The following LRP1B variants were observed in gnomAD, a reference collection of about 807,000 sequenced individuals.
LRP1B encodes LDL receptor related protein 1B.
Under a neutral mutation model 556.6 loss-of-function variants are expected in LRP1B, and 217 were observed. The ratio of observed to expected loss-of-function variants is 0.39; its 90% CI spans 0.35 to 0.44. The LOEUF is 0.44. Ranked by LOEUF, LRP1B falls within the 20% of genes least tolerant of loss-of-function variation. The pLI is 1.00. For synonymous variants in LRP1B, 2,047 were observed against 1,865.8 expected, an observed-to-expected ratio of 1.10 and a Z score of -2.50; for missense variants, 5,053 against 5,620.8, an observed-to-expected ratio of 0.90 and a Z score of 3.23.
intron 3 of LRP1B, among the ~76,000 whole-genome samples, chr2:141,260,607 T>C (rs1684648125): frequency 6.6e-6 from 1 of 152,230 alleles, no homozygotes; most frequent in African/African-American, 2.4e-5. Context: ...CTATCTTTTG[T>C]GTATAGCTAT....
intron 7 of LRP1B, among the ~76,000 whole-genome samples, chr2:141,118,836 G>A (rs1254705701): frequency 6.6e-6 from 1 of 151,470 alleles, no homozygotes; most frequent in African/African-American, 2.4e-5. Flanking sequence ...ATAATATTAA[G>A]GTTAATAAAT....
intron 7 of LRP1B, among the ~76,000 whole-genome samples, chr2:141,104,296 A>C (rs2104946906): frequency 6.6e-6 from 1 of 152,150 alleles, no homozygotes; most frequent in Admixed American, 6.6e-5. Context: ...CATAGCAAAA[A>C]GTTGGGTAGG....
intron 1 of LRP1B, among the ~76,000 whole-genome samples, chr2:141,906,489 C>G (rs1023063624): frequency 1.3e-5 from 2 of 151,906 alleles, no homozygotes; most frequent in African/African-American, 4.8e-5. Flanking sequence ...AGTCAGTGTA[C>G]AGCAAACAAG....
At chr2:141,788,888 A>G (rs1558876085) in intron 2 of LRP1B, among the ~76,000 whole-genome samples, 1 of 152,082 alleles carries the variant, frequency 6.6e-6, no homozygotes, top group Non-Finnish European at 1.5e-5. Flanking sequence ...TTATGGCTGC[A>G]TAGTATTCCA....
intron 2 of LRP1B, among the ~76,000 whole-genome samples, chr2:141,623,159 G>A (rs1688563884): frequency 6.6e-6 from 1 of 151,376 alleles, no homozygotes; most frequent in Admixed American, 6.6e-5. Flanking sequence ...TGTCTTCAAA[G>A]CTGTGATCAC....
rs1184845825 is a variant in LRP1B, at chr2:140,927,851, C to T, written c.3137-4704G>A. 4.0e-5 allele frequency among the ~76,000 whole-genome samples: 6 copies of T among 151,784 alleles called. 1 individual carries two copies. The highest frequency in any genetic ancestry group is 1.4e-4 in the African/African-American group (6 of 41,470). ...CCTCCCCAGAAGCTGGGACTACAGGCACCCGCCATCATGCCCGGCTATTCA... is the reference window on the plus strand; with the variant it reads ...CCTCCCCAGAAGCTGGGACTACAGGTACCCGCCATCATGCCCGGCTATTCA... On this transcript the variant is annotated intron_variant, in intron 20 of 90. Coordinates refer to ENST00000389484, the MANE Select transcript of LRP1B (RefSeq NM_018557.3).
chr2:142,107,515 G>A (rs1289489383), intron 1 of LRP1B, among the ~76,000 whole-genome samples: 2 of 152,068 alleles, frequency 1.3e-5, no homozygotes, highest in African/African-American at 4.8e-5. Flanking sequence ...GAAATTATCT[G>A]TTTTTTATAA....
chr2:141,805,713 G>A (rs1327084889), intron 2 of LRP1B: 1 of 152,110 alleles, frequency 6.6e-6, no homozygotes, highest in Non-Finnish European at 1.5e-5. Context: ...TAAGCTGAGA[G>A]ATTTTGTTTT....
intron 1 of LRP1B, among the ~76,000 whole-genome samples, chr2:141,954,335 T>C (rs1701190596): frequency 6.6e-6 from 1 of 151,924 alleles, no homozygotes; most frequent in African/African-American, 2.4e-5. Flanking sequence ...AAGAAACACA[T>C]AAAGAAAAAT....
intron 2 of LRP1B, among the ~76,000 whole-genome samples, chr2:141,657,543 T>C (rs1174022613): frequency 1.3e-5 from 2 of 152,184 alleles, no homozygotes; most frequent in African/African-American, 4.8e-5. Flanking sequence ...GTTCACACTA[T>C]TGTAAGTGAA....
At chr2:141,818,683 C>G (rs747924926) in intron 1 of LRP1B, among the ~76,000 whole-genome samples, 1 of 151,238 alleles carries the variant, frequency 6.6e-6, no homozygotes, top group Non-Finnish European at 1.5e-5. Context: ...ACTACAGGCG[C>G]CTGCCACCAC....
At chr2:140,284,147 A>T (rs773074097) in intron 84 of LRP1B, among the ~76,000 whole-genome samples, 2 of 151,764 alleles carry the variant, frequency 1.3e-5, no homozygotes, top group Non-Finnish European at 2.9e-5. Flanking sequence ...TCAGCCTGAT[A>T]CAATTAATTA....
At chr2:141,777,529 T>TCTG (rs942202741) in intron 2 of LRP1B, among the ~76,000 whole-genome samples, 3 of 151,982 alleles carry the variant, frequency 2.0e-5, no homozygotes, top group Non-Finnish European at 4.4e-5. Flanking sequence ...GATTCTCCTG[T>TCTG]CTCAGCCTCC....
At chr2:140,821,251 C>T (rs576682765) in intron 31 of LRP1B, among the ~76,000 whole-genome samples, 7 of 152,168 alleles carry the variant, frequency 4.6e-5, no homozygotes, top group East Asian at 3.9e-4. Context: ...TTACCTCCCC[C>T]GCACCCCCAA....
chr2:140,353,111 C>G, intron 75 of LRP1B, 39 bp from the exon 76 acceptor site: 1 of 1,606,942 alleles, frequency 6.2e-7, no homozygotes, highest in Non-Finnish European at 8.5e-7. Context: ...ATCATACCCT[C>G]AATTCAGACT....
intron 83 of LRP1B, among the ~76,000 whole-genome samples, chr2:140,314,106 T>C (rs1014374434): frequency 1.3e-4 from 20 of 152,060 alleles, no homozygotes; most frequent in Admixed American, 1.3e-3. Flanking sequence ...CCCACTAAGA[T>C]AGAAATTAAC....
chr2:140,307,918 G>A (rs1684133768), intron 83 of LRP1B, among the ~76,000 whole-genome samples: 2 of 151,650 alleles, frequency 1.3e-5, no homozygotes, highest in Admixed American at 1.3e-4. Context: ...CATATCTAAG[G>A]ACTTTAGCAG....
chr2:141,195,235 C>G (rs751196057), intron 6 of LRP1B, among the ~76,000 whole-genome samples: 24 of 152,158 alleles, frequency 1.6e-4, no homozygotes, highest in Admixed American at 5.2e-4. Flanking sequence ...CTCAAGCAGC[C>G]CTATGTGGTC....
intron 2 of LRP1B, 111 bp downstream of exon 2, chr2:141,810,143 AAGAAAGAAAGAAAGAAAGAAAGAAG>A (rs1696303535): frequency 1.1e-5 from 5 of 472,948 alleles, no homozygotes; most frequent in South Asian, 5.9e-5. Context: ...GAAAGAAAGA[AAGAAAGAAAGAAAGAAAGAAAGAAG>A]GAAAGAAAGA....
Sources: gnomAD v4.1 joint callset for allele counts (sites outside exome capture counted in the v4.1 genomes callset) on GRCh38, gnomAD v4.1.1 for gene constraint, MANE v1.5 for transcripts, NCBI Gene and HGNC (gene_info 2026-07-23, HGNC 2026-07-21) for gene names.